Variants in IL1RL2 observed in about 807,000 individuals in gnomAD.
IL1RL2 encodes the protein interleukin-1 receptor-like 2.
In IL1RL2, 68 loss-of-function variants were observed where a neutral mutation model predicts 66.8. That is an observed-to-expected ratio of 1.02 (90% CI 0.84 to 1.25). The LOEUF (loss-of-function observed/expected upper bound fraction) is 1.25, where lower values mean the gene tolerates loss of function less well. IL1RL2 is among the 50% of genes most tolerant of loss of function. The pLI is 0.00. For missense variants in IL1RL2, 729 were observed against 709.3 expected (o/e 1.03, Z -0.32); for synonymous variants, 305 against 264.6 (o/e 1.15, Z -1.48).
chr2:102,223,626 GA>G (rs1690340598), intron 8 of IL1RL2, among the ~76,000 whole-genome samples: 2 of 152,100 alleles, frequency 1.3e-5, no homozygotes, highest in African/African-American at 2.4e-5. Flanking sequence ...CAGTACTCTC[GA>G]AGGCAATGAG....
At chr2:102,239,103 G>A in intron 11 of IL1RL2, 89 bp from the exon 12 acceptor site, 1 of 1,163,390 alleles carries the variant, frequency 8.6e-7, no homozygotes, top group Non-Finnish European at 1.3e-6. Context: ...GCAAGGTGGA[G>A]GTTTTCGCAT....
At chr2:102,242,020 T>C (rs974854016), downstream of IL1RL2, among the ~76,000 whole-genome samples, 14 of 152,196 alleles carry the variant, frequency 9.2e-5, no homozygotes, top group African/African-American at 3.4e-4. Context: ...ATGAGTGAAG[T>C]TCATTCATGA....
intron 5 of IL1RL2, among the ~76,000 whole-genome samples, chr2:102,204,672 T>C (rs777441430): frequency 1.4e-5 from 2 of 147,924 alleles, no homozygotes; most frequent in Non-Finnish European, 3.0e-5. Context: ...TCTCTAAGCA[T>C]AGCTACTCCT....
In IL1RL2 at chr2:102,187,905, T is replaced by C; in HGVS notation, c.38T>C (p.Leu13Pro). 6.2e-7 allele frequency: 1 copy of C among 1,607,904 alleles called. No homozygotes were observed. Among genetic ancestry groups the C allele is most frequent in the Non-Finnish European group, 8.5e-7 (1 of 1,176,182 alleles). Reference protein sequence around the residue: ...SLLLCGLSIALPLSVTADGCK... With the variant: ...SLLLCGLSIAPPLSVTADGCK... ...CTGCTCTGCGGGTTGTCCATCGCCC[T>C]TCCACTGTCTGTCACAGCAGGTACG... The change falls in exon 2 of 12, where the codon CTT (leucine) becomes CCT (proline). Residue 13 changes from leucine to proline, a missense_variant. Leu to Pro is a moderately conservative substitution (Grantham distance 98). Transcript: ENST00000264257.
intron 9 of IL1RL2, among the ~76,000 whole-genome samples, chr2:102,228,327 G>C (rs918149985): frequency 6.6e-6 from 1 of 152,150 alleles, no homozygotes; most frequent in African/African-American, 2.4e-5. Flanking sequence ...ATTAATGGAT[G>C]AAAATGAGAA....
In IL1RL2 at chr2:102,225,996, G is replaced by T; in HGVS notation, c.1090G>T (p.Val364Phe). 6.2e-7 allele frequency: 1 copy of T among 1,606,794 alleles called. No individual in the cohort carries two copies. Among genetic ancestry groups the T allele is most frequent in the Middle Eastern group, 1.7e-4 (1 of 6,028 alleles). Residue 364 changes from valine (V) to phenylalanine (F), a missense_variant, in exon 9 of 12, where the codon GTT (valine) becomes TTT (phenylalanine). By Grantham distance (50) the Val-to-Phe change is conservative (BLOSUM62 -1). Coordinates refer to ENST00000264257, the MANE Select transcript of IL1RL2 (RefSeq NM_003854.4). Reference protein sequence around the residue: ...YIYNIFKIDIVLWYRSAFHST... With the variant: ...YIYNIFKIDIFLWYRSAFHST... The stretch of plus-strand genomic sequence containing the variant: ...ATACAACATTTTTAAGATCGACATT[G>T]TTCTTTGGTATCGAAGTGCCTTCCA...
Position 102,239,355 on chromosome 2 carries a change from C to G in IL1RL2, c.*114C>G, listed in dbSNP as rs1166288559. 1 of 962,748 alleles carries G rather than the reference C, an allele frequency of 1.0e-6. No homozygotes were observed. The highest frequency in any genetic ancestry group is 1.6e-5 in the African/African-American group (1 of 61,974). The allele number at this position is 962,748 out of a possible 1,614,324, so 59.6% of individuals were successfully genotyped here. On this transcript the variant is annotated 3_prime_UTR_variant, in exon 12 of 12. Transcript: ENST00000264257. ...AGGCTAGGGTTAGCATTCTAGACACCCAGTTGAGCTCAGGCGTAGAGAAGA... is the reference window on the plus strand; with the variant it reads ...AGGCTAGGGTTAGCATTCTAGACACGCAGTTGAGCTCAGGCGTAGAGAAGA...
chr2:102,239,236 G>A lies in IL1RL2; in HGVS notation c.1723G>A (p.Gly575Ser), dbSNP rs916426118. The change falls in exon 12 of 12, where the codon GGC becomes AGC. Residue 575 changes from glycine (G) to serine (S), a missense_variant. Physicochemically the swap from Gly to Ser is moderately conservative, Grantham distance 56 (BLOSUM62 0). Transcript: ENST00000264257. Reference sequence around the variant, plus strand: ...AAGAAAGAAGTGTACTCTCACGACTGGCTAAGACTTGCTGGACTGACACCT... The same window carrying A: ...AAGAAAGAAGTGTACTCTCACGACTAGCTAAGACTTGCTGGACTGACACCT... ...SRRKKCTLTT[G>S] 1 of 1,613,954 alleles carries A rather than the reference G, an allele frequency of 6.2e-7. No individual in the cohort carries two copies. Among genetic ancestry groups the A allele is most frequent in the Non-Finnish European group, 8.5e-7 (1 of 1,179,834 alleles).
At chr2:102,193,958 C>A (rs996427334) in intron 4 of IL1RL2, among the ~76,000 whole-genome samples, 14 of 152,016 alleles carry the variant, frequency 9.2e-5, no homozygotes, top group South Asian at 2.1e-4. Flanking sequence ...ATTAAAAAAA[C>A]CCCTTTTCAT....
intron 2 of IL1RL2, 72 bp downstream of exon 2, chr2:102,187,997 C>A: frequency 6.8e-7 from 1 of 1,460,328 alleles, no homozygotes; most frequent in Non-Finnish European, 9.6e-7. Context: ...ATTGGGAGCC[C>A]CCGGGGATCG....
Position 102,239,230 on chromosome 2 carries a change from ACG to A in IL1RL2, c.1718_1719del (p.Thr573AsnfsTer15). ...CTCAAGAAGAAAGAAGTGTACTCTC[ACG>A]ACTGGCTAAGACTTGCTGGACTGAC... ...LGSRRKKCTL[T>X]TG On this transcript the variant is annotated frameshift_variant, in exon 12 of 12. Coordinates refer to ENST00000264257, the MANE Select transcript of IL1RL2 (RefSeq NM_003854.4). LOFTEE classifies it high-confidence loss of function. 3.1e-6 allele frequency: 5 copies of A among 1,614,030 alleles called. No individual in the cohort carries two copies. The highest frequency in any genetic ancestry group is 4.2e-6 in the Non-Finnish European group (5 of 1,179,894).
chr2:102,200,406 G>T (rs1383240609), intron 4 of IL1RL2, among the ~76,000 whole-genome samples: 4 of 152,194 alleles, frequency 2.6e-5, no homozygotes. Context: ...CAGGGGTGGA[G>T]AATGAAGTGT....
chr2:102,201,673 G>C lies in IL1RL2; in HGVS notation c.607G>C (p.Gly203Arg), dbSNP rs138453799. ...YACQAILTHS[G>R]KQYEVLNGIT... ...GTGTCAAGCCATACTGACACACTCA[G>C]GGAAGCAGTACGAGGTTTTAAATGG... Residue 203 changes from glycine (G) to arginine (R), a missense_variant, in exon 5 of 12, where the codon GGG (glycine) becomes CGG (arginine). Coordinates refer to ENST00000264257, the MANE Select transcript of IL1RL2 (RefSeq NM_003854.4). The C allele has an allele frequency of 1.2e-6, 2 of 1,614,106 alleles. No homozygotes were observed. Among genetic ancestry groups the C allele is most frequent in the Non-Finnish European group, 1.7e-6 (2 of 1,179,974 alleles).
intron 10 of IL1RL2, among the ~76,000 whole-genome samples, chr2:102,233,794 G>T (rs1397806600): frequency 6.6e-6 from 1 of 152,110 alleles, no homozygotes; most frequent in African/African-American, 2.4e-5. Context: ...ACACAACAGT[G>T]CTTTCCTGTC....
Position 102,235,274 on chromosome 2 carries a change from G to A in IL1RL2, c.1675G>A (p.Ala559Thr), listed in dbSNP as rs774118983. Residue 559 changes from alanine (A) to threonine (T), a missense_variant, in exon 11 of 12, where the codon GCA (alanine) becomes ACA (threonine). Ala to Thr is a moderately conservative substitution (Grantham distance 58). Coordinates refer to ENST00000264257, the MANE Select transcript of IL1RL2 (RefSeq NM_003854.4). ...LLQHTPCYRTAGPELGSRRKK... is the reference protein window; with the variant it reads ...LLQHTPCYRTTGPELGSRRKK... ...GCAGCACACACCTTGCTACCGCACCGCAGGTGAGCGGGTGGGAGGACACGA... is the reference window on the plus strand; with the variant it reads ...GCAGCACACACCTTGCTACCGCACCACAGGTGAGCGGGTGGGAGGACACGA... The A allele has an allele frequency of 2.7e-5, 43 of 1,611,656 alleles. No homozygotes were observed. Among genetic ancestry groups the A allele is most frequent in the East Asian group, 1.8e-4 (8 of 44,852 alleles).
intron 11 of IL1RL2, among the ~76,000 whole-genome samples, chr2:102,238,574 C>A (rs1164265023): frequency 2.6e-5 from 4 of 152,142 alleles, no homozygotes; most frequent in Admixed American, 1.3e-4. Flanking sequence ...GGCACTTGGT[C>A]CTGTTTTTTA....
intron 2 of IL1RL2, 97 bp downstream of exon 2, chr2:102,188,022 C>CG: frequency 8.2e-7 from 1 of 1,216,440 alleles, no homozygotes; most frequent in Non-Finnish European, 1.2e-6. Flanking sequence ...AGCCCGAGCG[C>CG]GGCTCCTTCC....
intron 4 of IL1RL2, among the ~76,000 whole-genome samples, chr2:102,200,085 A>T (rs183436310): frequency 1.9e-3 from 274 of 148,098 alleles, no homozygotes; most frequent in African/African-American, 6.5e-3. Flanking sequence ...CGAGCTCAGG[A>T]AGTGGGCGAC....
intron 9 of IL1RL2, 51 bp from the exon 10 acceptor site, chr2:102,232,912 T>G: frequency 6.3e-7 from 1 of 1,577,178 alleles, no homozygotes; most frequent in Non-Finnish European, 8.7e-7. Context: ...TTTATTAACA[T>G]GAGAGAATTT....
Sources: gnomAD v4.1 joint callset for allele counts (sites outside exome capture counted in the v4.1 genomes callset) on GRCh38, gnomAD v4.1.1 for gene constraint, MANE v1.5 for transcripts, NCBI Gene and HGNC (gene_info 2026-07-23, HGNC 2026-07-21) for gene names.